Variants in FAM169A observed in about 807,000 individuals in gnomAD.
The protein encoded by FAM169A is soluble lamin-associated protein of 75 kDa.
A neutral mutation model predicts 75.7 loss-of-function variants in FAM169A; 24 were observed. The ratio of observed to expected loss-of-function variants is 0.32; its 90% CI spans 0.23 to 0.45. The LOEUF (loss-of-function observed/expected upper bound fraction) is 0.45. Among genes scored for constraint, FAM169A ranks in the 20% least tolerant of loss-of-function variants. The pLI is 1.00. For synonymous variants in FAM169A, 271 were observed against 271.0 expected, an observed-to-expected ratio of 1.00 and a Z score of 0.00; for missense variants, 673 against 784.0, an observed-to-expected ratio of 0.86 and a Z score of 1.69.
At chr5:74,848,971 G>A (rs925072359) in intron 1 of FAM169A, 3 of 152,082 alleles carry the variant, frequency 2.0e-5, no homozygotes, top group African/African-American at 7.2e-5. Flanking sequence ...CTGTCCATGA[G>A]ATAAACCAAA....
chr5:74,811,201 C>T (rs995641536), intron 6 of FAM169A, among the ~76,000 whole-genome samples: 1 of 152,068 alleles, frequency 6.6e-6, no homozygotes, highest in Non-Finnish European at 1.5e-5. Flanking sequence ...CCAGGCTAGT[C>T]TTGCATTCTT....
chr5:74,829,589 T>C (rs1470176443), intron 5 of FAM169A, among the ~76,000 whole-genome samples: 1 of 151,726 alleles, frequency 6.6e-6, no homozygotes, highest in African/African-American at 2.4e-5. Context: ...GCCTAGGAGG[T>C]TGAGGTTGTA....
chr5:74,865,173 G>A (rs1196999005), intron 1 of FAM169A, among the ~76,000 whole-genome samples: 1 of 152,186 alleles, frequency 6.6e-6, no homozygotes. Flanking sequence ...TAATTCGCAA[G>A]AAGCCAACGA....
At chr5:74,784,570 T>C (rs1295608382) in intron 11 of FAM169A, among the ~76,000 whole-genome samples, 1 of 75,774 alleles carries the variant, frequency 1.3e-5, no homozygotes, top group East Asian at 3.4e-4. Context: ...GTGAGGAGAC[T>C]AGAGAACTTC....
At chr5:74,792,944 C>T (rs530858474) in intron 11 of FAM169A, among the ~76,000 whole-genome samples, 1 of 152,204 alleles carries the variant, frequency 6.6e-6, no homozygotes, top group South Asian at 2.1e-4. Context: ...GACACTTGCA[C>T]ATGCATGTTT....
chr5:74,820,354 T>C (rs1747712096), intron 5 of FAM169A, among the ~76,000 whole-genome samples: 1 of 152,092 alleles, frequency 6.6e-6, no homozygotes. Flanking sequence ...AGGTAGTTGT[T>C]AAAAATGTAA....
intron 6 of FAM169A, among the ~76,000 whole-genome samples, chr5:74,809,885 T>TAA: frequency 6.6e-6 from 1 of 152,196 alleles, no homozygotes; most frequent in East Asian, 1.9e-4. Flanking sequence ...ATATTTATAC[T>TAA]AACGGGAATG....
chr5:74,782,733 T>G (rs1262378032), intron 12 of FAM169A, among the ~76,000 whole-genome samples, 198 bp downstream of exon 12: 1 of 152,178 alleles, frequency 6.6e-6, no homozygotes, highest in East Asian at 1.9e-4. Flanking sequence ...TTACCACATA[T>G]CAGATATGAA....
At chr5:74,809,964 G>C (rs1014115722) in intron 6 of FAM169A, among the ~76,000 whole-genome samples, 7 of 152,092 alleles carry the variant, frequency 4.6e-5, no homozygotes, top group Non-Finnish European at 8.8e-5. Flanking sequence ...ATAAAACCCA[G>C]TAATGACACT....
intron 1 of FAM169A, among the ~76,000 whole-genome samples, chr5:74,844,257 G>A (rs1251500382): frequency 6.6e-6 from 1 of 151,840 alleles, no homozygotes; most frequent in African/African-American, 2.4e-5. Flanking sequence ...GAGCTCAGAA[G>A]ATCAAGACCA....
chr5:74,802,611 A>C (rs1329068916), intron 8 of FAM169A, among the ~76,000 whole-genome samples: 1 of 152,130 alleles, frequency 6.6e-6, no homozygotes, highest in Non-Finnish European at 1.5e-5. Flanking sequence ...TAATAAAGCA[A>C]TTATTATGCT....
intron 6 of FAM169A, among the ~76,000 whole-genome samples, chr5:74,811,316 T>C (rs1234730418): frequency 1.3e-5 from 2 of 152,192 alleles, no homozygotes; most frequent in African/African-American, 2.4e-5. Flanking sequence ...ATTCAATTTA[T>C]TTATCATTAG....
intron 11 of FAM169A, among the ~76,000 whole-genome samples, chr5:74,784,947 T>C (rs951703445): frequency 3.4e-5 from 5 of 147,228 alleles, no homozygotes; most frequent in Admixed American, 1.4e-4. Context: ...ATGAAAATGA[T>C]AGTTGTCACT....
At chr5:74,841,136 G>A (rs534821941) in intron 2 of FAM169A, among the ~76,000 whole-genome samples, 2 of 152,186 alleles carry the variant, frequency 1.3e-5, no homozygotes, top group South Asian at 4.1e-4. Flanking sequence ...ATAATTTACT[G>A]ACTAGAAAAT....
intron 8 of FAM169A, among the ~76,000 whole-genome samples, chr5:74,802,658 G>A (rs1746650224): frequency 6.6e-6 from 1 of 152,008 alleles, no homozygotes. Flanking sequence ...GGACCATCTA[G>A]TTCTCCCATG....
chr5:74,818,266 T>C (rs1180316401), intron 5 of FAM169A, among the ~76,000 whole-genome samples: 1 of 151,610 alleles, frequency 6.6e-6, no homozygotes, highest in African/African-American at 2.4e-5. Flanking sequence ...CTGACAAGGG[T>C]CTTGTATCTA....
chr5:74,802,826 T>C (rs1268187405), intron 8 of FAM169A, among the ~76,000 whole-genome samples: 1 of 152,042 alleles, frequency 6.6e-6, no homozygotes, highest in African/African-American at 2.4e-5. Flanking sequence ...ATGACAAATA[T>C]CTTGCTTCAA....
chr5:74,830,758 TATA>T (rs1169365357), intron 5 of FAM169A, among the ~76,000 whole-genome samples: 1 of 152,162 alleles, frequency 6.6e-6, no homozygotes, highest in East Asian at 1.9e-4. Context: ...AACTTGAAAC[TATA>T]ATGTCTGAAA....
rs182401339 is a variant in FAM169A, at chr5:74,827,871, G to A, written c.490+6555C>T. ...TGTACAGACGGAGTTTCACCATGTC[G>A]TCTAGGCTCATCTTGAACTCCTGAC... On this transcript the variant is annotated intron_variant, in intron 5 of 12. Coordinates refer to ENST00000687041, the MANE Select transcript of FAM169A (RefSeq NM_001376049.1). 4.6e-5 allele frequency among the ~76,000 whole-genome samples: 7 copies of A among 151,906 alleles called. No homozygotes were observed. The East Asian group carries it at 7.7e-4, about 17-fold the overall frequency.
Sources: allele counts gnomAD v4.1 joint callset (sites outside exome capture counted in the v4.1 genomes callset), GRCh38; gene constraint gnomAD v4.1.1; transcripts MANE v1.5; gene names NCBI Gene and HGNC (gene_info 2026-07-23, HGNC 2026-07-21).